NFAT5: variants seen among roughly 807,000 people sequenced by gnomAD.
NFAT5 encodes nuclear factor of activated T cells 5, also known as nuclear factor of activated T-cells 5.
Under a neutral mutation model 166.5 loss-of-function variants are expected in NFAT5, and 31 were observed. That is an observed-to-expected ratio of 0.19 (90% CI 0.14 to 0.25). The LOEUF (loss-of-function observed/expected upper bound fraction) is 0.25, where lower values mean the gene tolerates loss of function less well. Among genes scored for constraint, NFAT5 ranks in the 10% least tolerant of loss-of-function variants. The pLI is 1.00. For missense variants in NFAT5, 1,449 were observed against 1,821.8 expected (o/e 0.80, Z 3.72); for synonymous variants, 612 against 639.7 (o/e 0.96, Z 0.65).
At chr16:69,597,117 T>G (rs775986983) in intron 2 of NFAT5, among the ~76,000 whole-genome samples, 1 of 152,080 alleles carries the variant, frequency 6.6e-6, no homozygotes, top group Non-Finnish European at 1.5e-5. Context: ...GTTAGAAGTT[T>G]TGGAGGTAAA....
rs2037683414 is a variant in NFAT5 at position 69,694,314 on chromosome 16, T to C, written c.4414+75T>C. 4.3e-6 allele frequency: 5 copies of C among 1,165,228 alleles called. No individual in the cohort carries two copies. In the South Asian group the frequency reaches 7.7e-5, roughly 18 times the overall value. The allele number at this position is 1,165,228 out of a possible 1,614,324, so 72.2% of individuals were successfully genotyped here. ...AAGGAAGCAGAGTGCAGTGGTGCGA[T>C]CTCAGCTCACTGCACCTGCACCCTC... On this transcript the variant is annotated intron_variant, in intron 13 of 14. Transcript: ENST00000349945.
At chr16:69,568,759 A>G (rs1438562617) in intron 2 of NFAT5, among the ~76,000 whole-genome samples, 1 of 152,100 alleles carries the variant, frequency 6.6e-6, no homozygotes, top group Non-Finnish European at 1.5e-5. Flanking sequence ...CTGCTTTGAG[A>G]AACATTGAAA....
In NFAT5 at chr16:69,700,839, G is replaced by A. The variant is rs2037885638; in HGVS notation, c.*4488G>A. The A allele has an allele frequency of 6.6e-6, 1 of 152,088 alleles. No individual in the cohort carries two copies. The highest frequency in any genetic ancestry group is 1.5e-5 in the Non-Finnish European group (1 of 68,024). The allele number at this position is 152,088 out of a possible 1,614,324, so 9.4% of individuals were successfully genotyped here. A position where few individuals can be genotyped will look rare whatever the true frequency, so the allele number is the denominator to read the frequency against. On this transcript the variant is annotated 3_prime_UTR_variant, in exon 15 of 15. Coordinates refer to ENST00000349945, the MANE Select transcript of NFAT5 (RefSeq NM_138713.4). ...GAGGTTTTCTTCTCTGCTTGTTTGT[G>A]TCACTAGAGCAAAATTGTAGAGATA...
rs1432799459 is a variant in NFAT5 at position 69,694,312 on chromosome 16, G to A, written c.4414+73G>A. The A allele has an allele frequency of 2.3e-5, 28 of 1,197,868 alleles. No individual in the cohort carries two copies. The East Asian group carries it at 2.5e-4, about 11-fold the overall frequency. 74.2% of individuals were successfully genotyped at this position (1,197,868 alleles called of 1,614,324 possible). On this transcript the variant is annotated intron_variant, in intron 13 of 14. Transcript: ENST00000349945. ...AGAAGGAAGCAGAGTGCAGTGGTGC[G>A]ATCTCAGCTCACTGCACCTGCACCC...
At chr16:69,639,735 G>A (rs1034379519) in intron 3 of NFAT5, among the ~76,000 whole-genome samples, 25 of 152,174 alleles carry the variant, frequency 1.6e-4, no homozygotes, top group Admixed American at 1.6e-3. Flanking sequence ...TTTTTTTACA[G>A]TGTAAGTGCA....
At position 69,669,862 on chromosome 16, in the gene NFAT5, T is replaced by G. The variant is rs2036554065; in HGVS notation, c.1370-115T>G. On this transcript the variant is annotated intron_variant, in intron 7 of 14. Coordinates refer to ENST00000349945, the MANE Select transcript of NFAT5 (RefSeq NM_138713.4). ...GATAATTGTGTAACTATAAAAATAT[T>G]TATTACTCCTCCTTCAATAAAGACA... 10 of 858,812 alleles carry G rather than the reference T, an allele frequency of 1.2e-5. No individual in the cohort carries two copies. The Admixed American group carries it at 2.1e-4, about 18-fold the overall frequency. 53.2% of individuals were successfully genotyped at this position (858,812 alleles called of 1,614,324 possible).
At chr16:69,677,514 C>CTTTTTTTTTTTTTTTTTTTTTT (rs1567599656) in intron 10 of NFAT5, among the ~76,000 whole-genome samples, 179 bp downstream of exon 10, 1 of 152,140 alleles carries the variant, frequency 6.6e-6, no homozygotes, top group Non-Finnish European at 1.5e-5. Context: ...TGCTTTTACT[C>CTTTTTTTTTTTTTTTTTTTTTT]TTATATTAAG....
intron 2 of NFAT5, among the ~76,000 whole-genome samples, chr16:69,588,670 G>C (rs769620719): frequency 1.3e-5 from 2 of 152,164 alleles, no homozygotes; most frequent in African/African-American, 4.8e-5. Flanking sequence ...TGTGTTTTGG[G>C]ATCTCCCATA....
chr16:69,577,723 A>G (rs992066421), intron 2 of NFAT5, among the ~76,000 whole-genome samples: 8 of 152,172 alleles, frequency 5.3e-5, no homozygotes, highest in African/African-American at 1.9e-4. Flanking sequence ...TTACACAAAC[A>G]TACATACTTT....
chr16:69,599,514 T>C (rs1042085600), intron 2 of NFAT5, among the ~76,000 whole-genome samples: 5 of 152,260 alleles, frequency 3.3e-5, no homozygotes, highest in Non-Finnish European at 5.9e-5. Context: ...AATGTTGCAG[T>C]GAGCCAAGAT....
In NFAT5 at chr16:69,700,016, CAAAT is replaced by C; in HGVS notation, c.*3667_*3670del. ...TAGCCAATGCAAATCTGTTTTAAAA[CAAAT>C]AGTTTAAAAAAAGAACAAGTTTTTA... On this transcript the variant is annotated 3_prime_UTR_variant, in exon 15 of 15. Coordinates refer to ENST00000349945, the MANE Select transcript of NFAT5 (RefSeq NM_138713.4). 6.6e-6 allele frequency: 1 copy of C among 152,168 alleles called. No individual in the cohort carries two copies. Among genetic ancestry groups the C allele is most frequent in the South Asian group, 2.1e-4 (1 of 4,820 alleles). The allele number at this position is 152,168 out of a possible 1,614,324, so 9.4% of individuals were successfully genotyped here.
At chr16:69,588,980 C>CTTTTT (rs945918292) in intron 2 of NFAT5, among the ~76,000 whole-genome samples, 363 of 34,328 alleles carry the variant, frequency 0.011, 29 homozygotes, top group East Asian at 0.033. Context: ...TTTCCTACTT[C>CTTTTT]TTTTTTTTTT....
intron 11 of NFAT5, chr16:69,690,717 T>C (rs1044932250): frequency 7.2e-6 from 2 of 277,606 alleles, no homozygotes; most frequent in Non-Finnish European, 1.4e-5. Flanking sequence ...AAGCTTATTA[T>C]TAATATTTAA....
rs1188266952 is a variant in NFAT5 at position 69,647,097 on chromosome 16, C to G, written c.323C>G (p.Pro108Arg). 2 of 1,612,928 alleles carry G rather than the reference C, an allele frequency of 1.2e-6. No individual in the cohort carries two copies. Among genetic ancestry groups the G allele is most frequent in the Non-Finnish European group, 1.7e-6 (2 of 1,179,252 alleles). ...ACSSFTTSSS[P>R]TIYSTSVTDS... ...AGCTCCTTTACCACCTCTTCCAGCC[C>G]TACCATTTATTCTACCTCAGTCACC... The change falls in exon 4 of 15, where the codon CCT (proline) becomes CGT (arginine). Residue 108 changes from proline to arginine, a missense_variant. Transcript: ENST00000349945. The surrounding 1 kb of genome is among the most constrained non-coding windows in gnomAD (Gnocchi z 4.8).
chr16:69,584,807 T>A (rs1381577422), intron 2 of NFAT5, among the ~76,000 whole-genome samples: 1 of 151,908 alleles, frequency 6.6e-6, no homozygotes, highest in East Asian at 1.9e-4. Context: ...TTTATTTTGG[T>A]GGTGGATGCA....
chr16:69,598,379 T>G (rs1167516635), intron 2 of NFAT5, among the ~76,000 whole-genome samples: 4 of 141,048 alleles, frequency 2.8e-5, no homozygotes, highest in Non-Finnish European at 6.2e-5. Context: ...CCCTGTCTCT[T>G]TAAAAAAAAA....
chr16:69,600,563 C>A (rs1331424547), intron 2 of NFAT5, among the ~76,000 whole-genome samples: 1 of 151,898 alleles, frequency 6.6e-6, no homozygotes, highest in Non-Finnish European at 1.5e-5. Context: ...GGATCTAGTG[C>A]ACATGGTTGC....
intron 2 of NFAT5, among the ~76,000 whole-genome samples, chr16:69,571,842 C>G (rs536707585): frequency 5.8e-4 from 88 of 152,182 alleles, no homozygotes; most frequent in African/African-American, 2.1e-3. Context: ...TCACTGCAAG[C>G]TCCACCTCCT....
chr16:69,602,790 T>C (rs2033203568), intron 2 of NFAT5, among the ~76,000 whole-genome samples: 3 of 151,244 alleles, frequency 2.0e-5, no homozygotes, highest in Admixed American at 2.0e-4. Flanking sequence ...TTTTTTTTTT[T>C]GGTAGAGATA....
Sources: gnomAD v4.1 joint callset for allele counts (sites outside exome capture counted in the v4.1 genomes callset) on GRCh38, gnomAD v4.1.1 for gene constraint, Gnocchi (gnomAD v3.1) non-coding constraint, MANE v1.5 for transcripts, NCBI Gene and HGNC (gene_info 2026-07-23, HGNC 2026-07-21) for gene names.